RARB: variants seen among roughly 807,000 people sequenced by gnomAD.
RARB encodes retinoic acid receptor beta.
A neutral mutation model predicts 51.9 loss-of-function variants in RARB; 17 were observed. The observed-to-expected ratio is 0.33, with a 90% CI of 0.22 to 0.49. The LOEUF (loss-of-function observed/expected upper bound fraction) is 0.49, where lower values mean the gene tolerates loss of function less well. Ranked by LOEUF, RARB falls within the 20% of genes least tolerant of loss-of-function variation. RARB has a pLI of 0.99. For missense variants in RARB, 369 were observed against 550.8 expected (o/e 0.67, Z 3.30); for synonymous variants, 215 against 195.4 (o/e 1.10, Z -0.84).
At chr3:24,870,905 T>C (rs1252560773) in intron 2 of RARB, among the ~76,000 whole-genome samples, 1 of 152,118 alleles carries the variant, frequency 6.6e-6, no homozygotes, top group Non-Finnish European at 1.5e-5. Context: ...TTCCCTTCTT[T>C]TCATTGTCTT....
chr3:25,360,466 C>A (rs2200244), intron 5 of RARB, among the ~76,000 whole-genome samples: 3 of 152,116 alleles, frequency 2.0e-5, no homozygotes, highest in Admixed American at 1.3e-4. Context: ...GGCATTTAGC[C>A]AATTTACATT....
chr3:24,980,088 A>C (rs908806852), intron 2 of RARB, among the ~76,000 whole-genome samples: 1 of 152,154 alleles, frequency 6.6e-6, no homozygotes, highest in Non-Finnish European at 1.5e-5. Context: ...AGAATGTCGA[A>C]TATTGGCCCC....
intron 5 of RARB, among the ~76,000 whole-genome samples, chr3:25,342,777 A>T (rs1705268805): frequency 6.6e-6 from 1 of 152,172 alleles, no homozygotes; most frequent in African/African-American, 2.4e-5. Context: ...TTAATGATGC[A>T]AAAGCAGAAA....
intron 1 of RARB, among the ~76,000 whole-genome samples, chr3:24,834,193 T>G (rs925884458): frequency 1.3e-5 from 2 of 152,194 alleles, no homozygotes; most frequent in African/African-American, 4.8e-5. Context: ...GATCCCACGC[T>G]AAAGCGACAG....
chr3:25,016,152 T>G (rs1257770353), intron 2 of RARB, among the ~76,000 whole-genome samples: 1 of 152,190 alleles, frequency 6.6e-6, no homozygotes. Flanking sequence ...CTTGTAACAA[T>G]TTTTGGAAGT....
intron 5 of RARB, among the ~76,000 whole-genome samples, chr3:25,200,582 A>G (rs1423561390): frequency 2.0e-5 from 3 of 152,116 alleles, no homozygotes; most frequent in Non-Finnish European, 4.4e-5. Flanking sequence ...TAGGTCTAAC[A>G]TGTAAGTCTT....
chr3:25,489,210 T>C (rs1220776712), intron 2 of RARB, among the ~76,000 whole-genome samples: 1 of 152,224 alleles, frequency 6.6e-6, no homozygotes, highest in African/African-American at 2.4e-5. Flanking sequence ...ATTGGGGACC[T>C]ATTTAATTTC....
intron 2 of RARB, among the ~76,000 whole-genome samples, chr3:24,903,713 T>C (rs6550925): frequency 0.014 from 2,064 of 152,242 alleles, 50 homozygotes; most frequent in African/African-American, 0.048. Context: ...AAGAATCATA[T>C]CTGATAAATA....
chr3:25,425,731 T>C (rs980069508), upstream of RARB, among the ~76,000 whole-genome samples: 2 of 152,198 alleles, frequency 1.3e-5, no homozygotes, highest in East Asian at 1.9e-4. Context: ...TGATACAGTA[T>C]AGAGGTAAGA....
At chr3:25,138,094 T>C (rs1172445733) in intron 4 of RARB, among the ~76,000 whole-genome samples, 2 of 152,086 alleles carry the variant, frequency 1.3e-5, no homozygotes, top group East Asian at 1.9e-4. Flanking sequence ...TCAGATAATA[T>C]ATCTTGGGGT....
intron 1 of RARB, chr3:25,441,367 T>A (rs1406756983): frequency 3.6e-6 from 1 of 278,978 alleles, no homozygotes; most frequent in African/African-American, 2.3e-5. Context: ...TCACTGGACT[T>A]CGTATAAAGC....
chr3:25,556,007 ATT>A (rs35199932), intron 3 of RARB, among the ~76,000 whole-genome samples: 1 of 149,002 alleles, frequency 6.7e-6, no homozygotes, highest in Non-Finnish European at 1.5e-5. Context: ...GACATCTTGT[ATT>A]TTTTTTTTTG....
intron 5 of RARB, among the ~76,000 whole-genome samples, chr3:25,395,669 C>T (rs1031737845): frequency 3.3e-5 from 5 of 152,044 alleles, no homozygotes; most frequent in Non-Finnish European, 5.9e-5. Context: ...GAAGTTCTTT[C>T]TTCTACTTGT....
At position 25,412,675 on chromosome 3, in the gene RARB, G is replaced by T. The variant is rs193120570; in HGVS notation, c.179-48518G>T. ...ATAAATCATAAATGTATACAGCTTAGTTTTTACAACTGAACACAAACATTT... is the reference window on the plus strand; with the variant it reads ...ATAAATCATAAATGTATACAGCTTATTTTTTACAACTGAACACAAACATTT... On this transcript the variant is annotated intron_variant, in intron 5 of 11. Coordinates refer to the RARB transcript ENST00000383772. 7.0e-3 allele frequency among the ~76,000 whole-genome samples: 1,063 copies of T among 152,268 alleles called. 14 individuals carry two copies. The highest frequency in any genetic ancestry group is 0.024 in the African/African-American group (1,005 of 41,560).
rs1701928781 is a variant in RARB, at chr3:25,597,734, A to G, written c.*1118A>G. The stretch of plus-strand genomic sequence containing the variant: ...AGCTGTGGTAGAGTGGTTAACAGAT[A>G]CAAGTGTCAGTTTCTTAGTTCTCAT... On this transcript the variant is annotated 3_prime_UTR_variant, in exon 8 of 8. Coordinates refer to ENST00000330688, the MANE Select transcript of RARB (RefSeq NM_000965.5). 6.6e-6 allele frequency: 1 copy of G among 152,516 alleles called. No homozygotes were observed. Among genetic ancestry groups the G allele is most frequent in the African/African-American group, 2.4e-5 (1 of 41,398 alleles). The allele number at this position is 152,516 out of a possible 1,614,324, so 9.4% of individuals were successfully genotyped here. A position where few individuals can be genotyped will look rare whatever the true frequency, so the allele number is the denominator to read the frequency against.
At chr3:24,988,663 A>G (rs1696846455) in intron 2 of RARB, among the ~76,000 whole-genome samples, 1 of 152,110 alleles carries the variant, frequency 6.6e-6, no homozygotes, top group Admixed American at 6.5e-5. Context: ...TTCCTTTACA[A>G]CTTTATTTTC....
At chr3:25,575,564 G>C (rs568201281) in intron 4 of RARB, among the ~76,000 whole-genome samples, 1 of 152,276 alleles carries the variant, frequency 6.6e-6, no homozygotes, top group East Asian at 1.9e-4. Flanking sequence ...TTCTGGCGTG[G>C]AAGGCAGTGC....
At chr3:25,451,570 A>G (rs1709196186) in intron 1 of RARB, among the ~76,000 whole-genome samples, 1 of 152,260 alleles carries the variant, frequency 6.6e-6, no homozygotes, top group African/African-American at 2.4e-5. Flanking sequence ...TGAGTAAGCC[A>G]AGCATTATTT....
At chr3:25,168,065 A>T (rs3111673) in intron 4 of RARB, among the ~76,000 whole-genome samples, 145,294 of 152,304 alleles carry the variant, frequency 0.95, 69,320 homozygotes, top group South Asian at 0.97. Flanking sequence ...CTTCCTCTTT[A>T]TAATATGAAT....
Sources: allele counts gnomAD v4.1 joint callset (sites outside exome capture counted in the v4.1 genomes callset), GRCh38; gene constraint gnomAD v4.1.1; transcripts MANE v1.5; gene names NCBI Gene and HGNC (gene_info 2026-07-23, HGNC 2026-07-21).